Variants in RAPGEF4 observed in about 807,000 individuals in gnomAD.
RAPGEF4 encodes the protein Rap guanine nucleotide exchange factor 4, also known as RAP guanine-nucleotide-exchange factor (GEF) 4.
RAPGEF4 carries 66 observed loss-of-function variants against 147.9 expected under a neutral mutation model. The ratio of observed to expected loss-of-function variants is 0.45; its 90% confidence interval spans 0.37 to 0.55. The LOEUF is 0.55. Ranked by LOEUF, RAPGEF4 falls within the 20% of genes least tolerant of loss-of-function variation. The pLI is 0.00. For synonymous variants in RAPGEF4, 419 were observed against 442.7 expected, an observed-to-expected ratio of 0.95 and a Z score of 0.67; for missense variants, 1,071 against 1,257.3, an observed-to-expected ratio of 0.85 and a Z score of 2.24.
At chr2:173,043,668 G>A (rs1250845981) in intron 29 of RAPGEF4, among the ~76,000 whole-genome samples, 1 of 152,206 alleles carries the variant, frequency 6.6e-6, no homozygotes, top group East Asian at 1.9e-4. Context: ...GAGTGAAAGT[G>A]GAACTTGGCT....
rs1002510582 is a variant in RAPGEF4, at chr2:173,014,321, G to T, written c.1659-143G>T. 5.1e-5 allele frequency: 51 copies of T among 1,004,866 alleles called. No individual in the cohort carries two copies. The African/African-American group carries it at 7.7e-4, about 15-fold the overall frequency. 62.2% of individuals were successfully genotyped at this position (1,004,866 alleles called of 1,614,324 possible). A position where few individuals can be genotyped will look rare whatever the true frequency, so the allele number is the denominator to read the frequency against. On this transcript the variant is annotated intron_variant, in intron 17 of 30. Coordinates refer to ENST00000397081, the MANE Select transcript of RAPGEF4 (RefSeq NM_007023.4). ...ATTCGGCACAGACACTTTCTGTGGG[G>T]TTTTTCATGAGGGCCTAGGGGAGGA...
intron 29 of RAPGEF4, among the ~76,000 whole-genome samples, chr2:173,038,705 A>C (rs12623346): frequency 0.041 from 6,271 of 152,330 alleles, 190 homozygotes; most frequent in Admixed American, 0.082. Flanking sequence ...TACCTACGTA[A>C]CAAACCTGCA....
intron 1 of RAPGEF4, among the ~76,000 whole-genome samples, chr2:172,752,379 G>A (rs1695380369): frequency 6.6e-6 from 1 of 152,078 alleles, no homozygotes; most frequent in Admixed American, 6.5e-5. Context: ...TAATGCTTTT[G>A]TATTGAATTT....
chr2:172,861,594 A>G (rs576239423), intron 4 of RAPGEF4, among the ~76,000 whole-genome samples: 2 of 152,210 alleles, frequency 1.3e-5, no homozygotes, highest in African/African-American at 4.8e-5. Flanking sequence ...ATAAACCTTG[A>G]CCAAACTGCA....
intron 4 of RAPGEF4, among the ~76,000 whole-genome samples, chr2:172,882,301 C>G (rs1281241026): frequency 1.3e-5 from 2 of 152,172 alleles, no homozygotes; most frequent in African/African-American, 4.8e-5. Context: ...ATGAATTCCT[C>G]TTTGCAGTCC....
chr2:173,045,008 T>C (rs1685278469), intron 29 of RAPGEF4, among the ~76,000 whole-genome samples: 1 of 152,208 alleles, frequency 6.6e-6, no homozygotes, highest in African/African-American at 2.4e-5. Flanking sequence ...GTGTAATTTT[T>C]GGTTTCACCC....
chr2:172,869,840 T>A (rs557926994), intron 4 of RAPGEF4, among the ~76,000 whole-genome samples: 13 of 152,250 alleles, frequency 8.5e-5, no homozygotes, highest in African/African-American at 3.1e-4. Context: ...GCTCAGACAA[T>A]GTAAAATATA....
chr2:172,881,268 C>G (rs1049098752), intron 4 of RAPGEF4, among the ~76,000 whole-genome samples: 5 of 152,174 alleles, frequency 3.3e-5, no homozygotes, highest in African/African-American at 1.2e-4. Context: ...TTCTAATATA[C>G]TGTGCTCTTG....
intron 17 of RAPGEF4, among the ~76,000 whole-genome samples, chr2:173,011,186 A>G (rs1384456600): frequency 1.3e-5 from 2 of 151,764 alleles, no homozygotes; most frequent in African/African-American, 4.8e-5. Flanking sequence ...ACACACACAC[A>G]CACACACACA....
At chr2:172,943,767 G>T (rs751799635) in intron 6 of RAPGEF4, among the ~76,000 whole-genome samples, 1 of 152,166 alleles carries the variant, frequency 6.6e-6, no homozygotes, top group Non-Finnish European at 1.5e-5. Flanking sequence ...GCTTGCATAT[G>T]CGTTTGCTTT....
chr2:172,988,495 T>G (rs1692498208), intron 13 of RAPGEF4, among the ~76,000 whole-genome samples, 198 bp from the exon 14 acceptor site: 1 of 152,218 alleles, frequency 6.6e-6, no homozygotes, highest in South Asian at 2.1e-4. Flanking sequence ...TGTGTACATT[T>G]AAGTTAAGCC....
intron 23 of RAPGEF4, among the ~76,000 whole-genome samples, chr2:173,023,997 T>A (rs1010266790): frequency 2.0e-5 from 3 of 152,200 alleles, no homozygotes; most frequent in Admixed American, 6.5e-5. Context: ...GGACCTACCC[T>A]GGTTGAAATC....
chr2:172,870,909 G>A (rs1559087496), intron 4 of RAPGEF4, among the ~76,000 whole-genome samples: 1 of 152,116 alleles, frequency 6.6e-6, no homozygotes, highest in Non-Finnish European at 1.5e-5. Context: ...TTGAAATGTT[G>A]TGAAAAGAGG....
chr2:172,755,012 C>T (rs1303398576), intron 1 of RAPGEF4, among the ~76,000 whole-genome samples: 2 of 152,038 alleles, frequency 1.3e-5, no homozygotes, highest in Non-Finnish European at 2.9e-5. Flanking sequence ...CACTGCACTC[C>T]AGCCTGGGTG....
intron 4 of RAPGEF4, among the ~76,000 whole-genome samples, chr2:172,826,958 C>T (rs1689735654): frequency 6.6e-6 from 1 of 150,592 alleles, no homozygotes; most frequent in Admixed American, 6.6e-5. Context: ...GAGCAAGACC[C>T]TTTCTCAAAA....
intron 18 of RAPGEF4, among the ~76,000 whole-genome samples, chr2:173,015,195 C>A (rs1234646642): frequency 6.6e-6 from 1 of 152,088 alleles, no homozygotes; most frequent in East Asian, 1.9e-4. Context: ...TGGAGCAGAT[C>A]ATTTATTTAG....
At chr2:172,966,594 G>A (rs754101433) in intron 9 of RAPGEF4, among the ~76,000 whole-genome samples, 29 of 152,090 alleles carry the variant, frequency 1.9e-4, no homozygotes, top group Non-Finnish European at 4.1e-4. Context: ...TGTACATGAG[G>A]GATTCTGAGC....
chr2:172,813,258 G>A (rs1428740920), intron 3 of RAPGEF4, among the ~76,000 whole-genome samples: 1 of 152,212 alleles, frequency 6.6e-6, no homozygotes, highest in Non-Finnish European at 1.5e-5. Flanking sequence ...TTACCCTTGT[G>A]TGTCTCCCTT....
rs190185687 is a variant in RAPGEF4 at position 172,847,732 on chromosome 2, G to A, written c.444+33307G>A. ...ACAAAACATGTAAAAGGGCAGGGACGTAGTTTAGTTCCAGGGATTACGTGA... is the reference window on the plus strand; with the variant it reads ...ACAAAACATGTAAAAGGGCAGGGACATAGTTTAGTTCCAGGGATTACGTGA... On this transcript the variant is annotated intron_variant, in intron 4 of 30. Coordinates refer to ENST00000397081, the MANE Select transcript of RAPGEF4 (RefSeq NM_007023.4). Among the ~76,000 whole-genome samples the A allele has an allele frequency of 2.7e-4, 41 of 152,302 alleles. No homozygotes were observed. The South Asian group carries it at 3.5e-3, about 13-fold the overall frequency.
Sources: gnomAD v4.1 joint callset for allele counts (sites outside exome capture counted in the v4.1 genomes callset) on GRCh38, gnomAD v4.1.1 for gene constraint, MANE v1.5 for transcripts, NCBI Gene and HGNC (gene_info 2026-07-23, HGNC 2026-07-21) for gene names.